CAMKK1: variants seen among roughly 807,000 people sequenced by gnomAD.
CAMKK1 encodes calcium/calmodulin-dependent protein kinase kinase 1.
A neutral mutation model predicts 63.5 loss-of-function variants in CAMKK1; 20 were observed. The ratio of observed to expected loss-of-function variants is 0.32; its 90% confidence interval spans 0.22 to 0.46. CAMKK1 has a LOEUF of 0.46. CAMKK1 is among the 20% of genes least tolerant of loss of function. The pLI is 1.00. For missense variants in CAMKK1, 588 were observed against 658.1 expected (o/e 0.89, Z 1.17); for synonymous variants, 253 against 269.0 (o/e 0.94, Z 0.58).
At position 3,862,296 on chromosome 17, in the gene CAMKK1, C is replaced by T; in HGVS notation, c.1446-13G>A. ...AAACCCTTCTTTCCTGTTCAGGGGA[C>T]ACCAGGGACAGAGGGACCTCAGGGT... On this transcript the variant is annotated splice_polypyrimidine_tract_variant and intron_variant, in intron 15 of 15. Coordinates refer to ENST00000348335, the MANE Select transcript of CAMKK1 (RefSeq NM_032294.3). This position sits in a 1 kb window ranked among gnomAD's most constrained non-coding sequence, Gnocchi z 4.1. 6.4e-7 allele frequency: 1 copy of T among 1,567,944 alleles called. No individual in the cohort carries two copies.
intron 14 of CAMKK1, among the ~76,000 whole-genome samples, chr17:3,868,572 G>A (rs1043799452): frequency 4.1e-4 from 63 of 152,334 alleles, no homozygotes; most frequent in Non-Finnish European, 5.6e-4. Flanking sequence ...CCTGGAGAAC[G>A]GAAGCTCAGT....
intron 8 of CAMKK1, among the ~76,000 whole-genome samples, 172 bp downstream of exon 8, chr17:3,881,455 C>A (rs1382401083): frequency 6.6e-6 from 1 of 152,162 alleles, no homozygotes; most frequent in Non-Finnish European, 1.5e-5. Flanking sequence ...CCTCACTGAC[C>A]CCCATCAGCC....
intron 1 of CAMKK1, among the ~76,000 whole-genome samples, chr17:3,891,509 AG>A (rs1210939153): frequency 6.6e-6 from 1 of 152,196 alleles, no homozygotes; most frequent in Non-Finnish European, 1.5e-5. Context: ...AGAGCATTTC[AG>A]GTGCAGGGAC....
chr17:3,862,147 G>T lies in CAMKK1; in HGVS notation c.*64C>A. 1 of 1,386,490 alleles carries T rather than the reference G, an allele frequency of 7.2e-7. No individual in the cohort carries two copies. The highest frequency in any genetic ancestry group is 9.9e-7 in the Non-Finnish European group (1 of 1,005,492). 85.9% of individuals were successfully genotyped at this position (1,386,490 alleles called of 1,614,324 possible). A position where few individuals can be genotyped will look rare whatever the true frequency, so the allele number is the denominator to read the frequency against. ...GCCTGCGGGGGCGGCTGTTGCATGA[G>T]GGGTGGGCCTCTGGAGGCGCGGGAT... is the stretch of plus-strand genomic sequence containing the variant. On this transcript the variant is annotated 3_prime_UTR_variant, in exon 16 of 16. Transcript: ENST00000348335. The surrounding 1 kb of genome is among the most constrained non-coding windows in gnomAD (Gnocchi z 4.1).
In CAMKK1 at chr17:3,869,848, T is replaced by C. The variant is rs751738404; in HGVS notation, c.1165A>G (p.Met389Val). The change falls in exon 13 of 16, where the codon ATG becomes GTG. Residue 389 changes from methionine to valine, a missense_variant. Around this residue, in one of 3 missense-constraint regions of CAMKK1, gnomAD observed 226 missense variants for 229.2 expected, o/e 0.99. Transcript: ENST00000348335. ...CTCGTCTCGGGATTCTTGTCTAACA[T>C]CTTCAGGATCAGGTCCTTGAGCTCC... ...SEELKDLILK[M>V]LDKNPETRIG... 2 of 1,614,204 alleles carry C rather than the reference T, an allele frequency of 1.2e-6. 1 individual carries two copies. Among genetic ancestry groups the C allele is most frequent in the Non-Finnish European group, 1.7e-6 (2 of 1,180,044 alleles).
intron 12 of CAMKK1, among the ~76,000 whole-genome samples, chr17:3,870,587 G>C (rs189221108): frequency 3.0e-4 from 45 of 152,130 alleles, no homozygotes; most frequent in Middle Eastern, 3.4e-3. Context: ...GGATGATCTC[G>C]ATCTCCTGAT....
At chr17:3,869,317 C>T (rs917976227) in intron 14 of CAMKK1, among the ~76,000 whole-genome samples, 170 bp downstream of exon 14, 2 of 152,214 alleles carry the variant, frequency 1.3e-5, no homozygotes, top group East Asian at 3.9e-4. Context: ...GTCTCCCGAC[C>T]ACAAGACCTC....
At position 3,889,835 on chromosome 17, in the gene CAMKK1, G is replaced by GC. The variant is rs1281185523; in HGVS notation, c.-44+3103dup. On this transcript the variant is annotated intron_variant, in intron 1 of 15. Coordinates refer to ENST00000348335, the MANE Select transcript of CAMKK1 (RefSeq NM_032294.3). The surrounding 1 kb of genome is among the most constrained non-coding windows in gnomAD (Gnocchi z 5.2). ...TGGCCTGGCTTCTTCCACAGGACAT[G>GC]CCCCATCCAGCTGCATCCCTCAAAG... 5.3e-5 allele frequency among the ~76,000 whole-genome samples: 8 copies of GC among 152,218 alleles called. No individual in the cohort carries two copies. The highest frequency in any genetic ancestry group is 1.2e-4 in the Non-Finnish European group (8 of 68,040).
At position 3,890,252 on chromosome 17, in the gene CAMKK1, C is replaced by G. The variant is rs2055843174; in HGVS notation, c.-44+2687G>C. ...TGAGGGAGGCCCAGGCGTCTGGTGC[C>G]AAGTCATGCTTGACGACTCCTGCTG... On this transcript the variant is annotated intron_variant, in intron 1 of 15. Transcript: ENST00000348335. This position sits in a 1 kb window ranked among gnomAD's most constrained non-coding sequence, Gnocchi z 6.5. Among the ~76,000 whole-genome samples the G allele has an allele frequency of 6.6e-6, 1 of 152,166 alleles. No individual in the cohort carries two copies. Among genetic ancestry groups the G allele is most frequent in the Admixed American group, 6.5e-5 (1 of 15,274 alleles).
chr17:3,873,227 C>T (rs774578647), intron 11 of CAMKK1, among the ~76,000 whole-genome samples, 182 bp downstream of exon 11: 21 of 152,242 alleles, frequency 1.4e-4, no homozygotes, highest in Non-Finnish European at 1.6e-4. Context: ...GCGACTCCTT[C>T]GCGAGAATCG....
Position 3,868,002 on chromosome 17 carries a change from T to TA in CAMKK1, c.1341+1484dup, listed in dbSNP as rs1311109261. ...GGAGATGCAGGCACCGTCTAACTGA[T>TA]ACGCGGGCTCTGGGGGAGAAGCAGG... is the stretch of plus-strand genomic sequence containing the variant. On this transcript the variant is annotated intron_variant, in intron 14 of 15. Transcript: ENST00000348335. Among the ~76,000 whole-genome samples, 9 of 141,828 alleles carry TA rather than the reference T, an allele frequency of 6.3e-5. 3 individuals are homozygous for TA. The East Asian group carries it at 8.2e-4, about 13-fold the overall frequency. The allele number at this position is 141,828 out of a possible 152,430, so 93.0% of individuals were successfully genotyped here. A position where few individuals can be genotyped will look rare whatever the true frequency, so the allele number is the denominator to read the frequency against.
chr17:3,886,503 G>C (rs910660694), intron 1 of CAMKK1, among the ~76,000 whole-genome samples: 4 of 152,184 alleles, frequency 2.6e-5, no homozygotes, highest in African/African-American at 9.7e-5. Flanking sequence ...ATGGTGGCGT[G>C]CACCTGAAAT....
At chr17:3,871,333 G>GTTTTTT (rs71155812) in intron 12 of CAMKK1, among the ~76,000 whole-genome samples, 6 of 111,010 alleles carry the variant, frequency 5.4e-5, no homozygotes, top group East Asian at 2.9e-4. Flanking sequence ...GTTGTTTTTT[G>GTTTTTT]TTTTTTTTTT....
rs1039324869 is a variant in CAMKK1 at position 3,860,739 on chromosome 17, G to A, written c.*1472C>T. On this transcript the variant is annotated 3_prime_UTR_variant, in exon 16 of 16. Coordinates refer to ENST00000348335, the MANE Select transcript of CAMKK1 (RefSeq NM_032294.3). ...CTAGCCTTAAATAGACGTAGAAACTGTATTACAGATGCATGTACCAGTGCA... is the reference window on the plus strand; with the variant it reads ...CTAGCCTTAAATAGACGTAGAAACTATATTACAGATGCATGTACCAGTGCA... 5.9e-5 allele frequency: 9 copies of A among 152,272 alleles called. No individual in the cohort carries two copies. Among genetic ancestry groups the A allele is most frequent in the African/African-American group, 2.2e-4 (9 of 41,446 alleles). 9.4% of individuals were successfully genotyped at this position (152,272 alleles called of 1,614,324 possible).
Position 3,869,613 on chromosome 17 carries a change from C to T in CAMKK1, c.1215G>A (p.Leu405=). The T allele has an allele frequency of 6.2e-7, 1 of 1,614,186 alleles. No homozygotes were observed. The highest frequency in any genetic ancestry group is 8.5e-7 in the Non-Finnish European group (1 of 1,180,026). ...CCCCGTTCTTGGTCACCCAAGGGTGCAACTGTCGGGGCCGGGAGGGCAGGG... is the reference window on the plus strand; with the variant it reads ...CCCCGTTCTTGGTCACCCAAGGGTGTAACTGTCGGGGCCGGGAGGGCAGGG... ...ETRIGVPDIK[L]HPWVTKNGEE... Residue 405 remains leucine, a splice_region_variant and synonymous_variant, in exon 14 of 16, where the codon TTG becomes TTA. Transcript: ENST00000348335.
At chr17:3,866,136 G>T in intron 14 of CAMKK1, 125 bp from the exon 15 acceptor site, 1 of 1,124,134 alleles carries the variant, frequency 8.9e-7, no homozygotes. Context: ...AATCAGCACA[G>T]CATGAAATGG....
Position 3,869,037 on chromosome 17 carries a change from C to T in CAMKK1, c.1341+450G>A, listed in dbSNP as rs571705716. Among the ~76,000 whole-genome samples the T allele has an allele frequency of 2.1e-3, 313 of 150,004 alleles. 1 individual carries two copies. The highest frequency in any genetic ancestry group is 7.3e-3 in the African/African-American group (297 of 40,610). Reference sequence around the variant, plus strand: ...AGGCTGGAGTGCAGTGGCGCGATCTCGGCTCACGGCAAACTCCACCTCCCG... The same window carrying T: ...AGGCTGGAGTGCAGTGGCGCGATCTTGGCTCACGGCAAACTCCACCTCCCG... On this transcript the variant is annotated intron_variant, in intron 14 of 15. Coordinates refer to ENST00000348335, the MANE Select transcript of CAMKK1 (RefSeq NM_032294.3).
chr17:3,868,078 C>T (rs1204150751), intron 14 of CAMKK1, among the ~76,000 whole-genome samples: 18 of 88,750 alleles, frequency 2.0e-4, no homozygotes, highest in East Asian at 3.7e-4. Context: ...CGCAGTCTAA[C>T]TGATACGTGG....
chr17:3,873,691 G>C (rs2055009006), intron 10 of CAMKK1, among the ~76,000 whole-genome samples: 1 of 152,082 alleles, frequency 6.6e-6, no homozygotes, highest in Non-Finnish European at 1.5e-5. Flanking sequence ...GATTTCCTTG[G>C]GAAAGACTCT....
Sources: gnomAD v4.1 joint callset for allele counts (sites outside exome capture counted in the v4.1 genomes callset) on GRCh38, gnomAD v4.1.1 for gene constraint, gnomAD v4.1.1 regional missense constraint, Gnocchi (gnomAD v3.1) non-coding constraint, MANE v1.5 for transcripts, NCBI Gene and HGNC (gene_info 2026-07-23, HGNC 2026-07-21) for gene names.